Variants in CWC15 observed in about 807,000 individuals in gnomAD.
CWC15 encodes the protein spliceosome-associated protein CWC15 homolog.
A neutral mutation model predicts 28.4 loss-of-function variants in CWC15; 12 were observed. The observed-to-expected ratio is 0.42, with a 90% CI of 0.27 to 0.69. CWC15 has a LOEUF of 0.69. Among genes scored for constraint, CWC15 ranks in the 30% least tolerant of loss-of-function variants. CWC15 has a pLI of 0.23. For missense variants in CWC15, 192 were observed against 271.5 expected, an observed-to-expected ratio of 0.71 and a Z score of 2.06; for synonymous variants, 92 against 88.4, an observed-to-expected ratio of 1.04 and a Z score of -0.23.
Position 94,971,468 on chromosome 11 carries a change from G to T in CWC15, c.151C>A (p.Pro51Thr). 6.2e-7 allele frequency: 1 copy of T among 1,609,412 alleles called. No homozygotes were observed. Among genetic ancestry groups the T allele is most frequent in the South Asian group, 1.1e-5 (1 of 90,014 alleles). Residue 51 changes from proline (P) to threonine (T), a missense_variant, in exon 3 of 7, where the codon CCT becomes ACT. Around this residue, in one of 2 missense-constraint regions of CWC15, gnomAD observed 188 missense variants for 250.3 expected, o/e 0.75. Transcript: ENST00000279839. ...AAGTCACGGTTACGAACCTCTTCAG[G>T]GGCATCCTGAGTAGTCTGTCTAAAG... Reference protein sequence around the residue: ...IKYRQTTQDAPEEVRNRDFRR... With the variant: ...IKYRQTTQDATEEVRNRDFRR...
intron 5 of CWC15, among the ~76,000 whole-genome samples, chr11:94,968,741 C>T (rs1010806655): frequency 1.3e-5 from 2 of 152,172 alleles, no homozygotes; most frequent in Non-Finnish European, 2.9e-5. Context: ...AAAGTCTATC[C>T]CAAATTCTAC....
intron 6 of CWC15, among the ~76,000 whole-genome samples, chr11:94,965,381 G>A (rs1486226676): frequency 6.6e-6 from 1 of 152,176 alleles, no homozygotes. Context: ...ACCATCTGAA[G>A]GATTTACAGT....
intron 1 of CWC15, among the ~76,000 whole-genome samples, chr11:94,972,865 C>A (rs10831295): frequency 0.25 from 38,294 of 151,746 alleles, 5,569 homozygotes; most frequent in East Asian, 0.69. Context: ...AAGGCCTGTT[C>A]AAAAAAAACA....
intron 5 of CWC15, among the ~76,000 whole-genome samples, chr11:94,969,655 A>G (rs1017809381): frequency 6.6e-6 from 1 of 152,192 alleles, no homozygotes; most frequent in Non-Finnish European, 1.5e-5. Flanking sequence ...CAGAGAGATA[A>G]TCTTTGTAGA....
chr11:94,963,655 GAAT>G, intron 6 of CWC15, 141 bp from the exon 7 acceptor site: 1 of 568,796 alleles, frequency 1.8e-6, no homozygotes, highest in Non-Finnish European at 2.7e-6. Flanking sequence ...ACACTCAAAA[GAAT>G]AATGTCATCC....
At chr11:94,963,561 G>C (rs782413740) in intron 6 of CWC15, 47 bp from the exon 7 acceptor site, 2 of 1,524,442 alleles carry the variant, frequency 1.3e-6, no homozygotes, top group South Asian at 1.3e-5. Context: ...TTTGTATCAG[G>C]AGACAAGAAT....
In CWC15 at chr11:94,966,373, T is replaced by G; in HGVS notation, c.482A>C (p.Glu161Ala). Residue 161 changes from glutamate (E) to alanine (A), a missense_variant, in exon 6 of 7, where the codon GAA (glutamate) becomes GCA (alanine). Glu to Ala is a moderately radical substitution (Grantham distance 107). Around this residue, in one of 2 missense-constraint regions of CWC15, gnomAD observed 188 missense variants for 250.3 expected, o/e 0.75. Coordinates refer to ENST00000279839, the MANE Select transcript of CWC15 (RefSeq NM_016403.4). ...QKAEEERIRM[E>A]NILSGNPLLN... is the part of the protein sequence containing the mutation. Reference sequence around the variant, plus strand: ...GAGAGGGTTTCCGCTCAGAATGTTTTCCATACGAATCCTCTCTTCTTCAGC... The same window carrying G: ...GAGAGGGTTTCCGCTCAGAATGTTTGCCATACGAATCCTCTCTTCTTCAGC... 1 of 1,556,156 alleles carries G rather than the reference T, an allele frequency of 6.4e-7. No homozygotes were observed. Among genetic ancestry groups the G allele is most frequent in the Non-Finnish European group, 8.7e-7 (1 of 1,148,846 alleles).
intron 6 of CWC15, 59 bp downstream of exon 6, chr11:94,966,226 TACACACACAC>T (rs58215154): frequency 0.36 from 239,983 of 669,124 alleles, 21,112 homozygotes; most frequent in Non-Finnish European, 0.39. Flanking sequence ...CATACACATA[TACACACACAC>T]ACACACACAC....
chr11:94,966,353 G>A lies in CWC15; in HGVS notation c.502C>T (p.Pro168Ser). Residue 168 changes from proline to serine, a missense_variant, in exon 6 of 7, where the codon CCT becomes TCT. Transcript: ENST00000279839. ...GATGGGCCAGTGAGATTAAGGAGAG[G>A]GTTTCCGCTCAGAATGTTTTCCATA... ...IRMENILSGN[P>S]LLNLTGPSQP... is the part of the protein sequence containing the mutation. The A allele has an allele frequency of 2.6e-6, 4 of 1,559,460 alleles. No homozygotes were observed. Among genetic ancestry groups the A allele is most frequent in the Non-Finnish European group, 3.5e-6 (4 of 1,150,554 alleles).
chr11:94,970,740 T>C (rs1246492130), intron 4 of CWC15: 11 of 503,336 alleles, frequency 2.2e-5, no homozygotes, highest in African/African-American at 3.9e-5. Flanking sequence ...GCATATCCTT[T>C]TATAGATTCC....
At chr11:94,964,161 T>A (rs1229254366) in intron 6 of CWC15, among the ~76,000 whole-genome samples, 8 of 152,048 alleles carry the variant, frequency 5.3e-5, no homozygotes, top group Non-Finnish European at 1.0e-4. Flanking sequence ...ATAAAATACA[T>A]GTGTTATAGA....
intron 5 of CWC15, among the ~76,000 whole-genome samples, chr11:94,968,723 A>C (rs893705881): frequency 2.6e-5 from 4 of 152,224 alleles, no homozygotes; most frequent in Non-Finnish European, 5.9e-5. Context: ...TCTGAATTCT[A>C]AGTCTTCAAA....
Position 94,967,603 on chromosome 11 carries a change from A to T in CWC15, c.442-1190T>A, listed in dbSNP as rs149653077. ...AAAACAGATGGTGTGGAAGTCATTT[A>T]AAAAAAGTTATTATTTTAATAATCT... On this transcript the variant is annotated intron_variant, in intron 5 of 6. Coordinates refer to ENST00000279839, the MANE Select transcript of CWC15 (RefSeq NM_016403.4). Among the ~76,000 whole-genome samples the T allele has an allele frequency of 6.2e-3, 946 of 152,300 alleles. 30 individuals carry two copies. Among genetic ancestry groups the T allele is most frequent in the Admixed American group, 0.058 (882 of 15,280 alleles).
At chr11:94,967,936 G>A (rs1224955149) in intron 5 of CWC15, among the ~76,000 whole-genome samples, 1 of 152,138 alleles carries the variant, frequency 6.6e-6, no homozygotes, top group Non-Finnish European at 1.5e-5. Flanking sequence ...AACTTATAAT[G>A]TGTATGACAT....
At chr11:94,971,229 TA>T (rs1857715328) in intron 3 of CWC15, 145 bp downstream of exon 3, 2 of 927,000 alleles carry the variant, frequency 2.2e-6, no homozygotes, top group Non-Finnish European at 3.4e-6. Flanking sequence ...TATTTGTTGT[TA>T]TTATCTCTAA....
intron 5 of CWC15, among the ~76,000 whole-genome samples, chr11:94,967,216 C>T (rs1457871869): frequency 1.3e-5 from 2 of 151,972 alleles, no homozygotes; most frequent in Non-Finnish European, 2.9e-5. Flanking sequence ...TTAGTAGAGA[C>T]GTCATTTCAC....
At chr11:94,967,471 C>G (rs961472312) in intron 5 of CWC15, among the ~76,000 whole-genome samples, 1 of 152,168 alleles carries the variant, frequency 6.6e-6, no homozygotes, top group Non-Finnish European at 1.5e-5. Flanking sequence ...AAATCCTTAG[C>G]TATCACTTCT....
At chr11:94,965,760 G>T (rs1395588893) in intron 6 of CWC15, among the ~76,000 whole-genome samples, 1 of 152,188 alleles carries the variant, frequency 6.6e-6, no homozygotes, top group Non-Finnish European at 1.5e-5. Context: ...TCCTTGCTGG[G>T]GGAAACAATG....
intron 6 of CWC15, among the ~76,000 whole-genome samples, chr11:94,965,131 G>C (rs1555095039): frequency 6.6e-6 from 1 of 152,122 alleles, no homozygotes; most frequent in African/African-American, 2.4e-5. Context: ...AAAGCATTCA[G>C]CAGTACTGCA....
Sources: allele counts gnomAD v4.1 joint callset (sites outside exome capture counted in the v4.1 genomes callset), GRCh38; gene constraint gnomAD v4.1.1; regional missense constraint gnomAD v4.1.1; transcripts MANE v1.5; gene names NCBI Gene and HGNC (gene_info 2026-07-23, HGNC 2026-07-21).